CDH23: variants seen among roughly 807,000 people sequenced by gnomAD.
The protein encoded by CDH23 is cadherin-23.
A neutral mutation model predicts 317.1 loss-of-function variants in CDH23; 189 were observed. That is an observed-to-expected ratio of 0.60 (90% CI 0.53 to 0.67). The LOEUF (loss-of-function observed/expected upper bound fraction) is 0.67. CDH23 is among the 30% of genes least tolerant of loss of function. The pLI, the probability that CDH23 is intolerant of heterozygous loss-of-function variation, is 0.00. For missense variants in CDH23, 4,401 were observed against 4,592.4 expected, an observed-to-expected ratio of 0.96 and a Z score of 1.20; for synonymous variants, 1,839 against 1,876.8, an observed-to-expected ratio of 0.98 and a Z score of 0.52.
chr10:71,461,683 G>A (rs951049091), intron 3 of CDH23, among the ~76,000 whole-genome samples: 3 of 152,192 alleles, frequency 2.0e-5, no homozygotes, highest in Admixed American at 6.5e-5. Flanking sequence ...AGAGTGGCTT[G>A]CAAGCCCTGT....
intron 17 of CDH23, among the ~76,000 whole-genome samples, chr10:71,680,271 C>A (rs892056928): frequency 2.0e-4 from 31 of 152,202 alleles, no homozygotes; most frequent in African/African-American, 7.2e-4. Flanking sequence ...CAGTGTGTAG[C>A]CCCTGGCTAG....
At chr10:71,422,750 G>A (rs1474827858) in intron 1 of CDH23, among the ~76,000 whole-genome samples, 2 of 152,196 alleles carry the variant, frequency 1.3e-5, no homozygotes, top group Non-Finnish European at 2.9e-5. Context: ...CTAGCTGAAG[G>A]ACCCACTGTA....
At chr10:71,714,086 C>T (rs1313253229) in intron 28 of CDH23, 1 of 152,136 alleles carries the variant, frequency 6.6e-6, no homozygotes, top group Non-Finnish European at 1.5e-5. Context: ...GGGAGAAATG[C>T]AGCGTCTCAG....
rs2132987542 is a variant in CDH23, at chr10:71,807,292, T to G, written c.8194T>G (p.Tyr2732Asp). Reference sequence around the variant, plus strand: ...CCCTCTGCAGAAAGGCAGCCCCCAGTACCAGCTGCTGACAGTGCCTGAGCA... The same window carrying G: ...CCCTCTGCAGAAAGGCAGCCCCCAGGACCAGCTGCTGACAGTGCCTGAGCA... ...FVRPPKGSPQ[Y>D]QLLTVPEHSP... Residue 2732 changes from tyrosine (Y) to aspartate (D), a missense_variant, in exon 58 of 70, where the codon TAC (tyrosine) becomes GAC (aspartate). Tyr to Asp is a radical substitution (Grantham distance 160, BLOSUM62 -3). Transcript: ENST00000224721. The G allele has an allele frequency of 6.2e-7, 1 of 1,613,708 alleles. No individual in the cohort carries two copies. Among genetic ancestry groups the G allele is most frequent in the Non-Finnish European group, 8.5e-7 (1 of 1,179,716 alleles).
Position 71,778,305 on chromosome 10 carries a change from C to A in CDH23, c.5184C>A (p.Thr1728=). Residue 1728 remains threonine, a synonymous_variant, in exon 40 of 70, where the codon ACC becomes ACA. Coordinates refer to ENST00000224721, the MANE Select transcript of CDH23 (RefSeq NM_022124.6). ...PILSHRLTST[T]TVLVNVNDIN... The stretch of plus-strand genomic sequence containing the variant: ...TATCCCACCGCCTCACCTCTACCAC[C>A]ACGGTGGGTGCATGGGACACAGCCC... 1.2e-6 allele frequency: 2 copies of A among 1,613,946 alleles called. No individual in the cohort carries two copies. Among genetic ancestry groups the A allele is most frequent in the Middle Eastern group, 1.6e-4 (1 of 6,062 alleles).
intron 3 of CDH23, among the ~76,000 whole-genome samples, chr10:71,505,817 C>G (rs1853600451): frequency 6.6e-6 from 1 of 152,238 alleles, no homozygotes; most frequent in Non-Finnish European, 1.5e-5. Flanking sequence ...ATGGAGAACA[C>G]TTTGGCAGTT....
intron 9 of CDH23, among the ~76,000 whole-genome samples, chr10:71,587,219 A>AT (rs940970683): frequency 2.6e-5 from 4 of 151,910 alleles, no homozygotes; most frequent in Non-Finnish European, 4.4e-5. Context: ...TAAAACTCAC[A>AT]TTTTTTTTCC....
At chr10:71,737,868 T>C (rs1041955427) in intron 34 of CDH23, 1 of 452,608 alleles carries the variant, frequency 2.2e-6, no homozygotes, top group African/African-American at 2.0e-5. Flanking sequence ...ATTTGTTGCA[T>C]GCCCGGTTTT....
chr10:71,576,763 C>A (rs1468893486), intron 8 of CDH23, among the ~76,000 whole-genome samples: 1 of 152,172 alleles, frequency 6.6e-6, no homozygotes, highest in Non-Finnish European at 1.5e-5. Flanking sequence ...GTAAAGGCTG[C>A]CCCAGGCAAG....
rs1280535839 is a variant in CDH23 at position 71,500,395 on chromosome 10, C to T, written c.146-9687C>T. On this transcript the variant is annotated intron_variant, in intron 3 of 69. Coordinates refer to ENST00000224721, the MANE Select transcript of CDH23 (RefSeq NM_022124.6). ...CTCCTTCTTCCCTGGATTAGCCTGT[C>T]CCCATCAGTGCAGACACCTGTGTGG... 2.0e-5 allele frequency among the ~76,000 whole-genome samples: 3 copies of T among 152,224 alleles called. No individual in the cohort carries two copies. The East Asian group carries it at 5.8e-4, about 29-fold the overall frequency.
rs200732012 is a variant in CDH23, at chr10:71,694,279, G to A, written c.2289+20G>A. 1.7e-4 allele frequency: 264 copies of A among 1,582,786 alleles called. 1 individual carries two copies. Among genetic ancestry groups the A allele is most frequent in the South Asian group, 1.2e-3 (111 of 90,116 alleles). ...GCCACCGTGAGTGCGCTCCCCTCCC[G>A]TGCCCCAGCTCCCCCTCGCCGGCCA... On this transcript the variant is annotated intron_variant, in intron 21 of 69. Coordinates refer to ENST00000224721, the MANE Select transcript of CDH23 (RefSeq NM_022124.6).
At chr10:71,484,056 A>C (rs991535255) in intron 3 of CDH23, among the ~76,000 whole-genome samples, 2 of 152,170 alleles carry the variant, frequency 1.3e-5, no homozygotes, top group Non-Finnish European at 2.9e-5. Flanking sequence ...TCCCACGGCC[A>C]CAGCGTGCAG....
chr10:71,569,808 G>T (rs943831640), intron 7 of CDH23, among the ~76,000 whole-genome samples: 1 of 152,118 alleles, frequency 6.6e-6, no homozygotes, highest in Admixed American at 6.5e-5. Flanking sequence ...TACTATTATT[G>T]CTGGCTATTG....
At chr10:71,654,136 A>G (rs1472552303) in intron 14 of CDH23, among the ~76,000 whole-genome samples, 1 of 152,196 alleles carries the variant, frequency 6.6e-6, no homozygotes, top group Non-Finnish European at 1.5e-5. Flanking sequence ...CTTCGGAGGG[A>G]CGCAGACGAT....
chr10:71,693,388 A>C (rs946222103), intron 20 of CDH23, among the ~76,000 whole-genome samples: 4 of 152,190 alleles, frequency 2.6e-5, no homozygotes, highest in South Asian at 2.1e-4. Flanking sequence ...GACCAAATAC[A>C]GGCGAACAAG....
chr10:71,736,953 C>A (rs1258703318), intron 34 of CDH23, among the ~76,000 whole-genome samples: 1 of 152,084 alleles, frequency 6.6e-6, no homozygotes, highest in Non-Finnish European at 1.5e-5. Flanking sequence ...GTTAACCCAG[C>A]CTAAAAAGGA....
At chr10:71,788,628 T>C (rs1305463200) in intron 44 of CDH23, among the ~76,000 whole-genome samples, 1 of 152,108 alleles carries the variant, frequency 6.6e-6, no homozygotes, top group Non-Finnish European at 1.5e-5. Flanking sequence ...GCTAATTTTT[T>C]GTGCTTTTAG....
At chr10:71,545,805 T>C (rs1482140117) in intron 6 of CDH23, among the ~76,000 whole-genome samples, 1 of 152,074 alleles carries the variant, frequency 6.6e-6, no homozygotes, top group African/African-American at 2.4e-5. Flanking sequence ...TCTGAGGACA[T>C]GTGAGCAGAG....
At chr10:71,773,221 T>A (rs1276190143) in intron 38 of CDH23, 7 of 1,032,318 alleles carry the variant, frequency 6.8e-6, no homozygotes, top group Non-Finnish European at 9.8e-6. Context: ...CCCAGCAGCC[T>A]CTGGGCGGTG....
Sources: gnomAD v4.1 joint callset for allele counts (sites outside exome capture counted in the v4.1 genomes callset) on GRCh38, gnomAD v4.1.1 for gene constraint, MANE v1.5 for transcripts, NCBI Gene and HGNC (gene_info 2026-07-23, HGNC 2026-07-21) for gene names.